Variants in ITGAV observed in about 807,000 individuals in gnomAD.
ITGAV encodes integrin subunit alpha V, also known as integrin alpha-V.
In ITGAV, 76 loss-of-function variants were observed where a neutral mutation model predicts 143.8. The observed-to-expected ratio is 0.53, with a 90% CI of 0.44 to 0.64. The LOEUF (loss-of-function observed/expected upper bound fraction) is 0.64. Ranked by LOEUF, ITGAV falls within the 30% of genes least tolerant of loss-of-function variation. The probability of loss-of-function intolerance (pLI) is 0.00; values close to 1 mark genes in which losing one functional copy is unlikely to be tolerated. For missense variants in ITGAV, 1,193 were observed against 1,274.7 expected (o/e 0.94, Z 0.98); for synonymous variants, 453 against 446.7 (o/e 1.01, Z -0.18).
intron 18 of ITGAV, among the ~76,000 whole-genome samples, chr2:186,660,815 C>T (rs1688724729): frequency 6.6e-6 from 1 of 152,176 alleles, no homozygotes; most frequent in Admixed American, 6.5e-5. Flanking sequence ...GATCCAGAGT[C>T]AGCAGGGCTA....
intron 18 of ITGAV, among the ~76,000 whole-genome samples, chr2:186,659,590 A>G (rs976003194): frequency 1.3e-5 from 2 of 151,954 alleles, no homozygotes; most frequent in Admixed American, 1.3e-4. Context: ...GAAAGCAACA[A>G]AATTTGATAG....
intron 12 of ITGAV, 153 bp downstream of exon 12, chr2:186,641,741 G>T (rs971064739): frequency 4.9e-6 from 3 of 607,450 alleles, no homozygotes; most frequent in Non-Finnish European, 8.8e-6. Flanking sequence ...TTTAAAGACA[G>T]TTTGCTATTT....
At chr2:186,656,519 C>G in intron 17 of ITGAV, 118 bp downstream of exon 17, 1 of 741,118 alleles carries the variant, frequency 1.3e-6, no homozygotes, top group Non-Finnish European at 2.1e-6. Context: ...GAAAAATACA[C>G]AAAGGAAATT....
chr2:186,638,236 T>C, intron 8 of ITGAV, 41 bp from the exon 9 acceptor site: 1 of 1,590,194 alleles, frequency 6.3e-7, no homozygotes, highest in Non-Finnish European at 8.6e-7. Flanking sequence ...CTTCCAGTGT[T>C]GTCCTAAAAA....
chr2:186,667,426 C>T (rs1688931168), intron 23 of ITGAV, among the ~76,000 whole-genome samples, 196 bp downstream of exon 23: 2 of 152,182 alleles, frequency 1.3e-5, no homozygotes, highest in Admixed American at 6.5e-5. Context: ...AGGAACAAGA[C>T]ATGGCAACAA....
intron 2 of ITGAV, among the ~76,000 whole-genome samples, chr2:186,617,529 C>A (rs73050271): frequency 0.026 from 3,941 of 152,192 alleles, 187 homozygotes; most frequent in African/African-American, 0.09. Context: ...ATGAAATTTT[C>A]AAGTCTCTAG....
intron 4 of ITGAV, among the ~76,000 whole-genome samples, chr2:186,627,804 A>G (rs911072584): frequency 6.6e-6 from 1 of 152,164 alleles, no homozygotes; most frequent in East Asian, 1.9e-4. Context: ...CCTAATCTAA[A>G]TAATAAAACC....
chr2:186,678,930 G>A lies in ITGAV; in HGVS notation c.*1638G>A, dbSNP rs776733771. On this transcript the variant is annotated 3_prime_UTR_variant, in exon 30 of 30. Coordinates refer to ENST00000261023, the MANE Select transcript of ITGAV (RefSeq NM_002210.5). Reference sequence around the variant, plus strand: ...CTGAGCTAATCTTGAGAATATATTCGTAAAATAGGAGCACATTTAGTTGAG... The same window carrying A: ...CTGAGCTAATCTTGAGAATATATTCATAAAATAGGAGCACATTTAGTTGAG... 1.4e-5 allele frequency: 5 copies of A among 356,284 alleles called. No individual in the cohort carries two copies. Among genetic ancestry groups the A allele is most frequent in the Admixed American group, 3.8e-5 (1 of 26,314 alleles). 22.1% of individuals were successfully genotyped at this position (356,284 alleles called of 1,614,324 possible). A position where few individuals can be genotyped will look rare whatever the true frequency, so the allele number is the denominator to read the frequency against.
chr2:186,677,289 T>C lies in ITGAV; in HGVS notation c.3144T>C (p.Thr1048=), dbSNP rs760749397. The C allele has an allele frequency of 5.6e-6, 9 of 1,608,786 alleles. No homozygotes were observed. The highest frequency in any genetic ancestry group is 6.0e-6 in the Non-Finnish European group (7 of 1,175,606). Residue 1048 remains threonine (T), a synonymous_variant, in exon 30 of 30, where the codon ACT becomes ACC. Coordinates refer to ENST00000261023, the MANE Select transcript of ITGAV (RefSeq NM_002210.5). ...PHENGEGNSE[T] ...AAAATGGTGAAGGAAACTCAGAAAC[T>C]TAACTGCAGTTTTTAAGTTATGCTA...
chr2:186,638,226 C>A (rs1157262262), intron 8 of ITGAV, 51 bp from the exon 9 acceptor site: 5 of 1,543,890 alleles, frequency 3.2e-6, no homozygotes, highest in Middle Eastern at 1.7e-4. Flanking sequence ...TGGTCTGCAA[C>A]TTCCAGTGTT....
intron 22 of ITGAV, 50 bp downstream of exon 22, chr2:186,666,833 GTTGTAA>G: frequency 7.1e-6 from 7 of 988,702 alleles, no homozygotes; most frequent in Non-Finnish European, 1.0e-5. Flanking sequence ...AATATTATTT[GTTGTAA>G]ATATACTATG....
At chr2:186,671,331 C>G (rs952449319) in intron 26 of ITGAV, among the ~76,000 whole-genome samples, 1 of 152,100 alleles carries the variant, frequency 6.6e-6, no homozygotes, top group Non-Finnish European at 1.5e-5. Flanking sequence ...ATCTCCTCTC[C>G]TTACTATTCT....
At chr2:186,620,105 C>T (rs921416280) in intron 2 of ITGAV, among the ~76,000 whole-genome samples, 1 of 152,224 alleles carries the variant, frequency 6.6e-6, no homozygotes, top group Non-Finnish European at 1.5e-5. Flanking sequence ...AGATTACCCA[C>T]TCTTCTGCCT....
chr2:186,669,851 T>C, intron 26 of ITGAV, 37 bp downstream of exon 26: 1 of 1,339,130 alleles, frequency 7.5e-7, no homozygotes, highest in Non-Finnish European at 1.1e-6. Context: ...CATAGACATT[T>C]AAAAATATGT....
At chr2:186,591,989 G>T (rs894469414) in intron 1 of ITGAV, among the ~76,000 whole-genome samples, 4 of 152,082 alleles carry the variant, frequency 2.6e-5, no homozygotes, top group Non-Finnish European at 5.9e-5. Flanking sequence ...AATACCAAAC[G>T]TTATCTTTAA....
intron 18 of ITGAV, among the ~76,000 whole-genome samples, chr2:186,659,987 T>C (rs2105736634): frequency 6.6e-6 from 1 of 152,192 alleles, no homozygotes; most frequent in East Asian, 1.9e-4. Flanking sequence ...TTACATTTTT[T>C]ATTTTTAATG....
Position 186,676,858 on chromosome 2 carries a change from G to A in ITGAV, c.2974G>A (p.Val992Met), listed in dbSNP as rs1373073966. The A allele has an allele frequency of 1.2e-6, 2 of 1,614,084 alleles. No homozygotes were observed. The highest frequency in any genetic ancestry group is 1.7e-5 in the Admixed American group (1 of 60,016). ...TWGIQPAPMP[V>M]PVWVIILAVL... ...GGGCATTCAGCCAGCGCCCATGCCT[G>A]TGCCTGTGTGGGTGATCATTTTAGC... is the stretch of plus-strand genomic sequence containing the variant. Residue 992 changes from valine to methionine, a missense_variant, in exon 29 of 30, where the codon GTG becomes ATG. Val to Met is a conservative substitution (Grantham distance 21). Transcript: ENST00000261023.
intron 26 of ITGAV, among the ~76,000 whole-genome samples, chr2:186,671,678 T>A (rs1327516498): frequency 6.6e-6 from 1 of 152,176 alleles, no homozygotes; most frequent in Non-Finnish European, 1.5e-5. Context: ...ATTTAGTGTT[T>A]TTTAGTATAA....
chr2:186,590,655 T>A (rs1200990706), intron 1 of ITGAV, 132 bp downstream of exon 1: 5 of 794,792 alleles, frequency 6.3e-6, no homozygotes, highest in Non-Finnish European at 1.9e-6. Context: ...CCTCTCAGAG[T>A]GGTTTATATC....
Sources: gnomAD v4.1 joint callset for allele counts (sites outside exome capture counted in the v4.1 genomes callset) on GRCh38, gnomAD v4.1.1 for gene constraint, MANE v1.5 for transcripts, NCBI Gene and HGNC (gene_info 2026-07-23, HGNC 2026-07-21) for gene names.